The following BMP7 variants were observed in gnomAD, a reference collection of about 807,000 sequenced individuals.
BMP7 encodes bone morphogenetic protein 7.
A neutral mutation model predicts 41.2 loss-of-function variants in BMP7; 12 were observed. That is an observed-to-expected ratio of 0.29 (90% confidence interval 0.19 to 0.47). The LOEUF (loss-of-function observed/expected upper bound fraction) is 0.47, where lower values mean the gene tolerates loss of function less well. BMP7 is among the 20% of genes least tolerant of loss of function. BMP7 has a pLI of 0.99. For missense variants in BMP7, 467 were observed against 606.0 expected (o/e 0.77, Z 2.41); for synonymous variants, 248 against 250.0 (o/e 0.99, Z 0.07).
rs1042295295 is a variant in BMP7, at chr20:57,224,024, G to A, written c.611+4205C>T. ...CAGGTTTATGGACCAAAATCATCACGGCGTCCCCAGGGAGCTTCTCAGAAA... is the reference window on the plus strand; with the variant it reads ...CAGGTTTATGGACCAAAATCATCACAGCGTCCCCAGGGAGCTTCTCAGAAA... On this transcript the variant is annotated intron_variant, in intron 2 of 6. Coordinates refer to ENST00000395863, the MANE Select transcript of BMP7 (RefSeq NM_001719.3). The surrounding 1 kb of genome is among the most constrained non-coding windows in gnomAD (Gnocchi z 4.8). Among the ~76,000 whole-genome samples the A allele has an allele frequency of 2.0e-5, 3 of 152,162 alleles. No individual in the cohort carries two copies. Among genetic ancestry groups the A allele is most frequent in the Non-Finnish European group, 4.4e-5 (3 of 68,042 alleles).
intron 1 of BMP7, among the ~76,000 whole-genome samples, chr20:57,262,692 G>A (rs2066158780): frequency 6.6e-6 from 1 of 152,124 alleles, no homozygotes; most frequent in Admixed American, 6.5e-5. Flanking sequence ...CAGGGCGAAG[G>A]GGCAGCAGAG....
intron 4 of BMP7, among the ~76,000 whole-genome samples, chr20:57,179,142 C>A: frequency 6.6e-6 from 1 of 152,212 alleles, no homozygotes; most frequent in East Asian, 1.9e-4. Context: ...TTCCAGGGCT[C>A]TTTGATCACG....
intron 1 of BMP7, among the ~76,000 whole-genome samples, chr20:57,262,508 C>T (rs993643863): frequency 6.6e-6 from 1 of 152,188 alleles, no homozygotes; most frequent in African/African-American, 2.4e-5. Flanking sequence ...TCCCGCTCAG[C>T]CTGGCAAAAA....
chr20:57,176,647 A>G (rs1049155784), intron 4 of BMP7, among the ~76,000 whole-genome samples: 2 of 151,968 alleles, frequency 1.3e-5, no homozygotes, highest in African/African-American at 4.8e-5. Flanking sequence ...GAGAGCTCCT[A>G]TAACTCCTGG....
At chr20:57,246,012 G>A (rs2066089528) in intron 1 of BMP7, among the ~76,000 whole-genome samples, 1 of 152,152 alleles carries the variant, frequency 6.6e-6, no homozygotes, top group African/African-American at 2.4e-5. Flanking sequence ...GTTAATTTAT[G>A]CTATTAGAAA....
intron 2 of BMP7, among the ~76,000 whole-genome samples, chr20:57,210,126 C>A (rs980766979): frequency 6.6e-6 from 1 of 152,222 alleles, no homozygotes; most frequent in Non-Finnish European, 1.5e-5. Flanking sequence ...GTCTTCTCTT[C>A]TCTTCTGAAA....
At chr20:57,246,054 C>T (rs373511340) in intron 1 of BMP7, among the ~76,000 whole-genome samples, 8 of 152,062 alleles carry the variant, frequency 5.3e-5, no homozygotes, top group African/African-American at 4.8e-5. Flanking sequence ...GGTACAAGTA[C>T]GAGGGGGTTC....
Position 57,168,923 on chromosome 20 carries a change from A to G in BMP7, c.*2036T>C, listed in dbSNP as rs1011902247. 6.9e-6 allele frequency: 1 copy of G among 144,988 alleles called. No homozygotes were observed. Among genetic ancestry groups the G allele is most frequent in the Admixed American group, 6.9e-5 (1 of 14,390 alleles). 9.0% of individuals were successfully genotyped at this position (144,988 alleles called of 1,614,324 possible). On this transcript the variant is annotated 3_prime_UTR_variant, in exon 7 of 7. Transcript: ENST00000395863. ...AAACAGGTTGAAGGAAAGCAAGCTC[A>G]TCGTCCTGAACGAGGGATTAAAGGG...
intron 3 of BMP7, among the ~76,000 whole-genome samples, chr20:57,195,715 G>A (rs148648032): frequency 1.2e-3 from 180 of 152,342 alleles, no homozygotes; most frequent in African/African-American, 4.2e-3. Context: ...GTCACACTTG[G>A]ACAGCACATG....
At chr20:57,251,092 C>T (rs866061904) in intron 1 of BMP7, among the ~76,000 whole-genome samples, 3 of 152,222 alleles carry the variant, frequency 2.0e-5, no homozygotes, top group African/African-American at 2.4e-5. Flanking sequence ...GTCCCGTGCA[C>T]GGTGGGTTCC....
chr20:57,197,545 GATCTA>G (rs1344710812), intron 3 of BMP7, among the ~76,000 whole-genome samples: 1 of 152,184 alleles, frequency 6.6e-6, no homozygotes, highest in African/African-American at 2.4e-5. Context: ...CCAAAGCCCA[GATCTA>G]CACCTGGGAG....
rs117085327 is a variant in BMP7 at position 57,199,179 on chromosome 20, C to T, written c.760+3296G>A. Among the ~76,000 whole-genome samples the T allele has an allele frequency of 5.8e-3, 889 of 152,264 alleles. 6 individuals carry two copies. Among genetic ancestry groups the T allele is most frequent in the Non-Finnish European group, 0.01 (701 of 68,022 alleles). ...ACAAAGCAGGTGTGCACTGATTTGT[C>T]GGATGCACACCGCCTCCCACAGGCC... is the stretch of plus-strand genomic sequence containing the variant. On this transcript the variant is annotated intron_variant, in intron 3 of 6. Transcript: ENST00000395863.
At chr20:57,254,567 T>C (rs916582902) in intron 1 of BMP7, among the ~76,000 whole-genome samples, 2 of 151,958 alleles carry the variant, frequency 1.3e-5, no homozygotes, top group African/African-American at 4.8e-5. Flanking sequence ...TGTGTGTAAT[T>C]AACAAATGGT....
At chr20:57,200,376 C>T (rs548352438) in intron 3 of BMP7, among the ~76,000 whole-genome samples, 7 of 152,338 alleles carry the variant, frequency 4.6e-5, no homozygotes, top group South Asian at 2.1e-4. Context: ...ACTGCCTCCA[C>T]CAATGCTGAG....
chr20:57,254,666 A>C (rs1177961199), intron 1 of BMP7, among the ~76,000 whole-genome samples: 1 of 151,940 alleles, frequency 6.6e-6, no homozygotes, highest in Non-Finnish European at 1.5e-5. Flanking sequence ...AAAAACAAAA[A>C]ACAAAAACAA....
At chr20:57,216,549 C>CGAGGGGCTGTCTCCTGAGGGT (rs1568718168) in intron 2 of BMP7, among the ~76,000 whole-genome samples, 7 of 142,798 alleles carry the variant, frequency 4.9e-5, no homozygotes, top group East Asian at 2.1e-4. Context: ...CTCCTGAGGG[C>CGAGGGGCTGTCTCCTGAGGGT]GAGGGGCTGT....
intron 1 of BMP7, among the ~76,000 whole-genome samples, chr20:57,245,144 G>A (rs1439846967): frequency 6.6e-6 from 1 of 152,108 alleles, no homozygotes; most frequent in Non-Finnish European, 1.5e-5. Context: ...GCCGCCCCAG[G>A]GGCTGATGGG....
rs140935779 is a variant in BMP7 at position 57,207,272 on chromosome 20, G to A, written c.612-4649C>T. Among the ~76,000 whole-genome samples, 776 of 152,320 alleles carry A rather than the reference G, an allele frequency of 5.1e-3. 3 individuals are homozygous for A. Among genetic ancestry groups the A allele is most frequent in the Non-Finnish European group, 6.1e-3 (416 of 68,030 alleles). ...AGGGGAAGGAGGCACAGGTCATGGA[G>A]GATAAGGGTCTATAAACCAGAGAGA... On this transcript the variant is annotated intron_variant, in intron 2 of 6. Transcript: ENST00000395863.
chr20:57,228,288 G>T lies in BMP7; in HGVS notation c.552C>A (p.Arg184=). Residue 184 remains arginine, a synonymous_variant, in exon 2 of 7, where the codon CGC becomes CGA. Transcript: ENST00000395863. This position sits in a 1 kb window ranked among gnomAD's most constrained non-coding sequence, Gnocchi z 4.5. ...FRIYKDYIRE[R]FDNETFRISV... ...TGATCCGGAACGTCTCATTGTCGAAGCGTTCCCGGATGTAGTCCTTGTAGA... is the reference window on the plus strand; with the variant it reads ...TGATCCGGAACGTCTCATTGTCGAATCGTTCCCGGATGTAGTCCTTGTAGA... 1 of 1,614,126 alleles carries T rather than the reference G, an allele frequency of 6.2e-7. No homozygotes were observed. Among genetic ancestry groups the T allele is most frequent in the South Asian group, 1.1e-5 (1 of 91,068 alleles).
Sources: allele counts gnomAD v4.1 joint callset (sites outside exome capture counted in the v4.1 genomes callset), GRCh38; gene constraint gnomAD v4.1.1; non-coding constraint Gnocchi (gnomAD v3.1); transcripts MANE v1.5; gene names NCBI Gene and HGNC (gene_info 2026-07-23, HGNC 2026-07-21).